DLGAP2: variants seen among roughly 807,000 people sequenced by gnomAD.
The protein encoded by DLGAP2 is DLG associated protein 2.
A neutral mutation model predicts 100.3 loss-of-function variants in DLGAP2; 26 were observed. That is an observed-to-expected ratio of 0.26 (90% confidence interval 0.19 to 0.36). The LOEUF (loss-of-function observed/expected upper bound fraction) is 0.36, where lower values mean the gene tolerates loss of function less well. Among genes scored for constraint, DLGAP2 ranks in the 10% least tolerant of loss-of-function variants. The pLI is 1.00. For synonymous variants in DLGAP2, 886 were observed against 630.1 expected (o/e 1.41, Z -6.08); for missense variants, 1,858 against 1,453.2 (o/e 1.28, Z -4.53).
intron 3 of DLGAP2, among the ~76,000 whole-genome samples, chr8:1,472,865 A>G (rs1489117503): frequency 6.6e-6 from 1 of 152,238 alleles, no homozygotes; most frequent in Non-Finnish European, 1.5e-5. Flanking sequence ...TACTTTTCAC[A>G]TGGCCCATAC....
intron 2 of DLGAP2, among the ~76,000 whole-genome samples, chr8:966,602 A>T (rs1799877461): frequency 6.6e-6 from 1 of 152,162 alleles, no homozygotes; most frequent in Non-Finnish European, 1.5e-5. Flanking sequence ...TGATTAGTTT[A>T]TGCTATGCAC....
intron 6 of DLGAP2, among the ~76,000 whole-genome samples, chr8:1,599,441 C>G (rs1041126470): frequency 6.6e-6 from 1 of 152,080 alleles, no homozygotes; most frequent in African/African-American, 2.4e-5. Flanking sequence ...TCTCATTGAT[C>G]TAATATTGAC....
At chr8:905,693 G>C (rs191614280) in intron 1 of DLGAP2, among the ~76,000 whole-genome samples, 98 of 152,206 alleles carry the variant, frequency 6.4e-4, no homozygotes, top group African/African-American at 2.1e-3. Context: ...CCAGGGTTTG[G>C]AGGGGTGGTC....
intron 2 of DLGAP2, among the ~76,000 whole-genome samples, chr8:1,176,951 T>G (rs1440556727): frequency 6.6e-6 from 1 of 152,156 alleles, no homozygotes; most frequent in Non-Finnish European, 1.5e-5. Flanking sequence ...TTCTGGGAAC[T>G]GAGCAAGCAA....
chr8:1,205,301 A>G (rs1397968202), intron 2 of DLGAP2, among the ~76,000 whole-genome samples: 1 of 152,162 alleles, frequency 6.6e-6, no homozygotes, highest in Non-Finnish European at 1.5e-5. Flanking sequence ...GGGGTCGGGG[A>G]TAGCCCCTGA....
At chr8:1,104,829 G>C (rs553586680) in intron 2 of DLGAP2, 2 of 152,340 alleles carry the variant, frequency 1.3e-5, no homozygotes, top group African/African-American at 4.8e-5. Flanking sequence ...CCCTTAATTA[G>C]GTTGCATCCC....
chr8:1,358,925 G>A (rs1038946107), intron 3 of DLGAP2, among the ~76,000 whole-genome samples: 2 of 152,164 alleles, frequency 1.3e-5, no homozygotes, highest in African/African-American at 2.4e-5. Flanking sequence ...AGGCCCCAAA[G>A]GGAGAGAGTC....
chr8:1,285,837 C>G (rs1024532854), intron 3 of DLGAP2, among the ~76,000 whole-genome samples: 2 of 152,122 alleles, frequency 1.3e-5, no homozygotes, highest in African/African-American at 4.8e-5. Flanking sequence ...GGCGTAGTGG[C>G]ACACACCTGC....
chr8:1,042,944 G>A (rs1308971369), intron 2 of DLGAP2, among the ~76,000 whole-genome samples: 2 of 136,828 alleles, frequency 1.5e-5, no homozygotes, highest in African/African-American at 5.5e-5. Flanking sequence ...TGTGGGTGGT[G>A]GATATGGCTG....
chr8:975,223 C>T (rs932427925), intron 2 of DLGAP2, among the ~76,000 whole-genome samples: 1 of 152,164 alleles, frequency 6.6e-6, no homozygotes, highest in Non-Finnish European at 1.5e-5. Context: ...AGGCCTATAT[C>T]TATTAAAGAA....
chr8:1,285,638 G>C (rs1433078952), intron 3 of DLGAP2, among the ~76,000 whole-genome samples: 1 of 152,184 alleles, frequency 6.6e-6, no homozygotes, highest in Non-Finnish European at 1.5e-5. Context: ...AAAAAAGCTT[G>C]TTATAGGTTG....
intron 3 of DLGAP2, among the ~76,000 whole-genome samples, chr8:1,422,748 G>C (rs568485796): frequency 6.6e-6 from 1 of 152,084 alleles, no homozygotes; most frequent in Non-Finnish European, 1.5e-5. Context: ...GCCAGGATTG[G>C]GGGTGGGGGA....
chr8:1,586,237 G>A lies in DLGAP2; in HGVS notation c.1442+20343G>A, dbSNP rs916103261. 2.0e-5 allele frequency among the ~76,000 whole-genome samples: 3 copies of A among 152,230 alleles called. No homozygotes were observed. The East Asian group carries it at 5.8e-4, about 29-fold the overall frequency. On this transcript the variant is annotated intron_variant, in intron 6 of 14. Coordinates refer to ENST00000637795, the MANE Select transcript of DLGAP2 (RefSeq NM_001346810.2). ...TTGGCCCTTCTTTCCGGGGATCTGC[G>A]TGGGGAGTGGTTTTCTTTCACATCA... is the stretch of plus-strand genomic sequence containing the variant.
At chr8:1,445,400 C>T (rs937295748) in intron 3 of DLGAP2, among the ~76,000 whole-genome samples, 2 of 151,806 alleles carry the variant, frequency 1.3e-5, no homozygotes, top group Admixed American at 6.6e-5. Flanking sequence ...TCATCCATGT[C>T]CCTACAAAGG....
At chr8:1,149,972 G>T (rs1188978435) in intron 2 of DLGAP2, among the ~76,000 whole-genome samples, 1 of 152,156 alleles carries the variant, frequency 6.6e-6, no homozygotes, top group Non-Finnish European at 1.5e-5. Context: ...CCACAGATAC[G>T]AATTCTGTAT....
chr8:1,282,836 GCA>G (rs2116952038), intron 3 of DLGAP2, among the ~76,000 whole-genome samples: 1 of 81,816 alleles, frequency 1.2e-5, no homozygotes, highest in Admixed American at 1.3e-4. Context: ...CCTGAACCCA[GCA>G]CGTGAAGCAT....
rs192073723 is a variant in DLGAP2 at position 1,209,231 on chromosome 8, A to C, written c.74-49620A>C. On this transcript the variant is annotated intron_variant, in intron 2 of 14. Transcript: ENST00000637795. ...CAAAAAGAACGAATCTGGAGGCATC[A>C]CATTACCCAACTTCAAACTATACTA... Among the ~76,000 whole-genome samples the C allele has an allele frequency of 5.6e-4, 86 of 152,336 alleles. 1 individual carries two copies. Among genetic ancestry groups the C allele is most frequent in the African/African-American group, 1.9e-3 (79 of 41,574 alleles).
intron 2 of DLGAP2, among the ~76,000 whole-genome samples, chr8:1,252,799 T>A (rs1016449201): frequency 6.6e-6 from 1 of 152,206 alleles, no homozygotes; most frequent in African/African-American, 2.4e-5. Flanking sequence ...GCTGCTGACA[T>A]GGAGCCTTTC....
intron 1 of DLGAP2, among the ~76,000 whole-genome samples, chr8:801,029 T>C (rs1796141753): frequency 2.6e-5 from 4 of 151,814 alleles, no homozygotes; most frequent in Admixed American, 2.6e-4. Context: ...TTGGGGTTTC[T>C]GGCTCATGAA....
Sources: allele counts gnomAD v4.1 joint callset (sites outside exome capture counted in the v4.1 genomes callset), GRCh38; gene constraint gnomAD v4.1.1; transcripts MANE v1.5; gene names NCBI Gene and HGNC (gene_info 2026-07-23, HGNC 2026-07-21).